RALGPS1: variants seen among roughly 807,000 people sequenced by gnomAD.
RALGPS1 encodes Ral GEF with PH domain and SH3 binding motif 1.
Under a neutral mutation model 78.8 loss-of-function variants are expected in RALGPS1, and 19 were observed. The observed-to-expected ratio is 0.24, with a 90% CI of 0.17 to 0.35. The LOEUF is 0.35. Ranked by LOEUF, RALGPS1 falls within the 10% of genes least tolerant of loss-of-function variation. The pLI, the probability that RALGPS1 is intolerant of heterozygous loss-of-function variation, is 1.00. For missense variants in RALGPS1, 454 were observed against 688.3 expected (o/e 0.66, Z 3.81); for synonymous variants, 228 against 256.3 (o/e 0.89, Z 1.06).
At chr9:127,081,311 C>T (rs2051145569) in intron 8 of RALGPS1, among the ~76,000 whole-genome samples, 1 of 152,210 alleles carries the variant, frequency 6.6e-6, no homozygotes, top group Non-Finnish European at 1.5e-5. Flanking sequence ...GCCTCCTACC[C>T]AACTGATCAG....
chr9:127,068,102 A>T (rs2049871647), intron 7 of RALGPS1, among the ~76,000 whole-genome samples: 1 of 152,210 alleles, frequency 6.6e-6, no homozygotes, highest in Admixed American at 6.5e-5. Context: ...TTGCTTCTCT[A>T]ATCTCTGACT....
chr9:127,191,737 A>G (rs7035698), intron 11 of RALGPS1, among the ~76,000 whole-genome samples: 18,371 of 132,156 alleles, frequency 0.14, 1,385 homozygotes, highest in Middle Eastern at 0.29. Flanking sequence ...TCACTCTGTC[A>G]CCCAGGCTGG....
intron 7 of RALGPS1, among the ~76,000 whole-genome samples, chr9:127,065,223 C>G (rs568448509): frequency 1.9e-4 from 29 of 152,160 alleles, no homozygotes; most frequent in Non-Finnish European, 3.2e-4. Flanking sequence ...AAGGAATTCT[C>G]CTGCCTCAGC....
intron 4 of RALGPS1, among the ~76,000 whole-genome samples, chr9:126,981,371 C>A (rs1158592739): frequency 6.6e-6 from 1 of 152,314 alleles, no homozygotes; most frequent in East Asian, 1.9e-4. Flanking sequence ...CCATGGGGGT[C>A]CTTGAGTTTC....
intron 3 of RALGPS1, among the ~76,000 whole-genome samples, chr9:126,972,183 A>G (rs1354005108): frequency 6.6e-6 from 1 of 152,226 alleles, no homozygotes; most frequent in Non-Finnish European, 1.5e-5. Flanking sequence ...AGAGCTAGGT[A>G]GAAGAAGCTC....
At chr9:126,991,128 C>T (rs1156272973) in intron 4 of RALGPS1, among the ~76,000 whole-genome samples, 1 of 152,206 alleles carries the variant, frequency 6.6e-6, no homozygotes, top group Admixed American at 6.5e-5. Context: ...TCTGAGTTCA[C>T]ATTTGTTATT....
intron 8 of RALGPS1, among the ~76,000 whole-genome samples, chr9:127,083,721 C>T (rs2051401751): frequency 6.6e-6 from 1 of 152,184 alleles, no homozygotes; most frequent in East Asian, 1.9e-4. Flanking sequence ...GTGGACTTTT[C>T]TTTTCCCAGT....
At chr9:127,092,488 G>C (rs1464709988) in intron 8 of RALGPS1, among the ~76,000 whole-genome samples, 1 of 152,096 alleles carries the variant, frequency 6.6e-6, no homozygotes, top group Non-Finnish European at 1.5e-5. Context: ...GTCAGCAGCT[G>C]AGTTACGGCC....
At chr9:127,087,885 A>G (rs1193871546) in intron 8 of RALGPS1, 1 of 152,598 alleles carries the variant, frequency 6.6e-6, no homozygotes, top group Non-Finnish European at 1.5e-5. Context: ...ATAGGTTATT[A>G]TTTGTGTGAA....
At chr9:126,929,091 G>C (rs1336184980) in intron 1 of RALGPS1, among the ~76,000 whole-genome samples, 1 of 152,188 alleles carries the variant, frequency 6.6e-6, no homozygotes, top group Non-Finnish European at 1.5e-5. Flanking sequence ...GATGATAATG[G>C]TGATGACCAT....
chr9:126,960,956 C>T (rs1453498383), intron 1 of RALGPS1, among the ~76,000 whole-genome samples: 1 of 152,166 alleles, frequency 6.6e-6, no homozygotes, highest in Non-Finnish European at 1.5e-5. Context: ...TCTCTCCCCT[C>T]TGACTTGACT....
intron 8 of RALGPS1, among the ~76,000 whole-genome samples, chr9:127,165,577 C>G (rs1218247478): frequency 1.3e-5 from 2 of 152,108 alleles, no homozygotes; most frequent in Non-Finnish European, 2.9e-5. Flanking sequence ...AGAGCTGTTG[C>G]TTTTTTAATT....
chr9:127,131,987 G>A (rs1474583384), intron 8 of RALGPS1, among the ~76,000 whole-genome samples: 1 of 152,198 alleles, frequency 6.6e-6, no homozygotes, highest in East Asian at 1.9e-4. Context: ...AAGTTCACAT[G>A]AGGCCCTTGC....
At chr9:127,103,554 TAG>T (rs2053933984) in intron 8 of RALGPS1, among the ~76,000 whole-genome samples, 1 of 152,180 alleles carries the variant, frequency 6.6e-6, no homozygotes, top group Non-Finnish European at 1.5e-5. Flanking sequence ...AATTAAAAAT[TAG>T]ACTTCAGTTG....
At chr9:127,121,943 C>T (rs1390091683) in intron 8 of RALGPS1, among the ~76,000 whole-genome samples, 2 of 152,236 alleles carry the variant, frequency 1.3e-5, no homozygotes, top group Non-Finnish European at 2.9e-5. Flanking sequence ...GCCACCCCTG[C>T]CTTCTGCAGC....
chr9:126,949,699 G>A (rs1260170768), intron 1 of RALGPS1, among the ~76,000 whole-genome samples: 2 of 152,104 alleles, frequency 1.3e-5, no homozygotes, highest in Non-Finnish European at 2.9e-5. Flanking sequence ...GTTCATTGTA[G>A]ATTCTGGATA....
intron 4 of RALGPS1, among the ~76,000 whole-genome samples, chr9:126,997,706 C>T (rs1415867134): frequency 2.6e-5 from 4 of 152,102 alleles, no homozygotes; most frequent in African/African-American, 4.8e-5. Flanking sequence ...GAGCCCACAT[C>T]GCCAAGTGAA....
intron 4 of RALGPS1, among the ~76,000 whole-genome samples, chr9:126,997,116 C>T (rs77515911): frequency 2.2e-4 from 34 of 152,274 alleles, no homozygotes; most frequent in African/African-American, 7.0e-4. Context: ...CCTTTGAAAA[C>T]GGGCACAAGA....
intron 11 of RALGPS1, among the ~76,000 whole-genome samples, chr9:127,193,283 G>A (rs16929673): frequency 0.028 from 4,338 of 152,322 alleles, 153 homozygotes; most frequent in Non-Finnish European, 0.036. Context: ...TGTTGTCACT[G>A]AAGTAAAGAG....
Sources: gnomAD v4.1 joint callset for allele counts (sites outside exome capture counted in the v4.1 genomes callset) on GRCh38, gnomAD v4.1.1 for gene constraint, MANE v1.5 for transcripts, NCBI Gene and HGNC (gene_info 2026-07-23, HGNC 2026-07-21) for gene names.